The following BHMT2 variants were observed in gnomAD, a reference collection of about 807,000 sequenced individuals.
BHMT2 encodes S-methylmethionine--homocysteine S-methyltransferase BHMT2.
In BHMT2, 28 loss-of-function variants were observed where a neutral mutation model predicts 39.0. The observed-to-expected ratio is 0.72, with a 90% confidence interval of 0.53 to 0.98. BHMT2 has a LOEUF of 0.98. Among genes scored for constraint, BHMT2 ranks in the 50% least tolerant of loss-of-function variants. The probability of loss-of-function intolerance (pLI) is 0.00; values close to 1 mark genes in which losing one functional copy is unlikely to be tolerated. For synonymous variants in BHMT2, 145 were observed against 160.6 expected, an observed-to-expected ratio of 0.90 and a Z score of 0.74; for missense variants, 410 against 455.6, an observed-to-expected ratio of 0.90 and a Z score of 0.91.
chr5:79,076,172 G>A (rs1460969896), intron 1 of BHMT2, among the ~76,000 whole-genome samples: 4 of 152,078 alleles, frequency 2.6e-5, no homozygotes, highest in African/African-American at 9.7e-5. Context: ...GTGGGAAGGC[G>A]GTCTTCCCCT....
chr5:79,077,435 A>T (rs745401649), intron 1 of BHMT2, 45 bp from the exon 2 acceptor site: 2 of 1,563,634 alleles, frequency 1.3e-6, no homozygotes, highest in South Asian at 2.4e-5. Flanking sequence ...TAGGAAAAAA[A>T]AAAAAAGTAG....
chr5:79,079,575 A>G (rs1755744174), intron 3 of BHMT2, 115 bp downstream of exon 3: 1 of 738,256 alleles, frequency 1.4e-6, no homozygotes, highest in African/African-American at 1.8e-5. Flanking sequence ...AGTCCATATA[A>G]ATATGTATTA....
intron 1 of BHMT2, among the ~76,000 whole-genome samples, chr5:79,072,161 C>T (rs952460681): frequency 2.6e-5 from 4 of 151,638 alleles, no homozygotes; most frequent in African/African-American, 4.8e-5. Context: ...CAGCTACTTG[C>T]GAGGCTGAGG....
chr5:79,085,433 C>A (rs898096528), intron 7 of BHMT2, among the ~76,000 whole-genome samples: 2 of 152,172 alleles, frequency 1.3e-5, no homozygotes, highest in African/African-American at 4.8e-5. Context: ...GTAATCCCAG[C>A]ACTTTGGGAG....
At chr5:79,072,885 TG>T (rs770823419) in intron 1 of BHMT2, among the ~76,000 whole-genome samples, 2 of 151,978 alleles carry the variant, frequency 1.3e-5, no homozygotes, top group East Asian at 1.9e-4. Flanking sequence ...AGGTTGGATG[TG>T]GGAGGTGAGA....
chr5:79,069,885 G>A, intron 1 of BHMT2, 70 bp downstream of exon 1: 1 of 1,307,812 alleles, frequency 7.6e-7, no homozygotes, highest in Non-Finnish European at 9.8e-7. Context: ...GTTCACACCC[G>A]GCGTCCATCC....
chr5:79,070,988 TAATC>T (rs1156931346), intron 1 of BHMT2: 1 of 152,198 alleles, frequency 6.6e-6, no homozygotes, highest in Non-Finnish European at 1.5e-5. Context: ...TTAATAAAAA[TAATC>T]AAAGAACATT....
intron 1 of BHMT2, among the ~76,000 whole-genome samples, chr5:79,072,532 T>G (rs1381316433): frequency 6.6e-6 from 1 of 152,254 alleles, no homozygotes; most frequent in Non-Finnish European, 1.5e-5. Flanking sequence ...CATAGTTTCT[T>G]AAGTGTCTAC....
chr5:79,077,763 C>T lies in BHMT2; in HGVS notation c.166+151C>T, dbSNP rs144387739. The T allele has an allele frequency of 4.3e-3, 3,911 of 912,726 alleles. 10 individuals carry two copies. Among genetic ancestry groups the T allele is most frequent in the Non-Finnish European group, 5.5e-3 (3,419 of 622,374 alleles). 56.5% of individuals were successfully genotyped at this position (912,726 alleles called of 1,614,324 possible). ...TGTGGAGATAATGGCAGTATACAGG[C>T]GGAAGTATATGGAAGAAAATGACCT... On this transcript the variant is annotated intron_variant, in intron 2 of 7. Coordinates refer to ENST00000255192, the MANE Select transcript of BHMT2 (RefSeq NM_017614.5).
At chr5:79,079,015 G>C (rs1755730885) in intron 2 of BHMT2, among the ~76,000 whole-genome samples, 1 of 152,182 alleles carries the variant, frequency 6.6e-6, no homozygotes, top group African/African-American at 2.4e-5. Flanking sequence ...TTTAAGGGCT[G>C]CCAATGCTGA....
chr5:79,071,269 T>C (rs673752), intron 1 of BHMT2: 110,220 of 152,088 alleles, frequency 0.72, 40,642 homozygotes, highest in East Asian at 0.79. Context: ...AATTAGGTCT[T>C]AAATCCAAAA....
Position 79,088,060 on chromosome 5 carries a change from G to A in BHMT2, c.1011-433G>A, listed in dbSNP as rs183722800. On this transcript the variant is annotated intron_variant, in intron 7 of 7. Coordinates refer to ENST00000255192, the MANE Select transcript of BHMT2 (RefSeq NM_017614.5). Reference sequence around the variant, plus strand: ...CCTGGTGTGGTGGTGCACGCCAGTAGTCCCAGCTACCTGGGGGGCTGAGGC... The same window carrying A: ...CCTGGTGTGGTGGTGCACGCCAGTAATCCCAGCTACCTGGGGGGCTGAGGC... 6.5e-3 allele frequency among the ~76,000 whole-genome samples: 987 copies of A among 152,268 alleles called. 12 individuals carry two copies. Among genetic ancestry groups the A allele is most frequent in the African/African-American group, 0.023 (950 of 41,544 alleles).
chr5:79,080,756 G>T lies in BHMT2; in HGVS notation c.328G>T (p.Ala110Ser), dbSNP rs1202433328. ...GGCTGGCAAAGGTGATGCTTTGGTA[G>T]CAGGGGGGATCTGCCAGACATCAAT... The part of the protein sequence containing the change: ...EVAGKGDALV[A>S]GGICQTSIYK... The change falls in exon 4 of 8, where the codon GCA becomes TCA. Residue 110 changes from alanine to serine, a missense_variant. By Grantham distance (99) the Ala-to-Ser change is moderately conservative. Transcript: ENST00000255192. 1.2e-6 allele frequency: 2 copies of T among 1,604,612 alleles called. No individual in the cohort carries two copies. Among genetic ancestry groups the T allele is most frequent in the South Asian group, 1.1e-5 (1 of 88,818 alleles).
intron 5 of BHMT2, 46 bp downstream of exon 5, chr5:79,083,002 GA>G: frequency 1.2e-6 from 2 of 1,609,008 alleles, no homozygotes; most frequent in Non-Finnish European, 1.7e-6. Context: ...TGTTGCTTAC[GA>G]AATTTAACAA....
At position 79,089,922 on chromosome 5, in the gene BHMT2, C is replaced by T. The variant is rs1246844699; in HGVS notation, c.*1348C>T. ...GGCAGAGGTTGCAGTGAGCTGAGAT[C>T]GCCCCACTGCAATCCAGCCTGGGAG... On this transcript the variant is annotated 3_prime_UTR_variant, in exon 8 of 8. Coordinates refer to ENST00000255192, the MANE Select transcript of BHMT2 (RefSeq NM_017614.5). 1.3e-5 allele frequency among the ~76,000 whole-genome samples: 2 copies of T among 152,198 alleles called. No individual in the cohort carries two copies. The highest frequency in any genetic ancestry group is 1.3e-4 in the Admixed American group (2 of 15,286).
At chr5:79,088,358 C>CTG (rs202040828) in intron 7 of BHMT2, 135 bp from the exon 8 acceptor site, 38,493 of 302,504 alleles carry the variant, frequency 0.13, 1,613 homozygotes, top group African/African-American at 0.22. Context: ...CAAGTTTTGA[C>CTG]TGTGTGTGTG....
intron 3 of BHMT2, among the ~76,000 whole-genome samples, chr5:79,080,084 C>T (rs1469403042): frequency 1.3e-5 from 2 of 152,142 alleles, no homozygotes; most frequent in Non-Finnish European, 2.9e-5. Context: ...CTTCTGGAGA[C>T]AGGGAGGCCC....
At chr5:79,075,641 G>A (rs1216897339) in intron 1 of BHMT2, among the ~76,000 whole-genome samples, 2 of 152,206 alleles carry the variant, frequency 1.3e-5, no homozygotes, top group Non-Finnish European at 2.9e-5. Flanking sequence ...TTGCTGTGGG[G>A]AGTTGGGAGG....
At chr5:79,088,457 T>C (rs1755948820) in intron 7 of BHMT2, 36 bp from the exon 8 acceptor site, 1 of 1,564,366 alleles carries the variant, frequency 6.4e-7, no homozygotes, top group South Asian at 1.1e-5. Context: ...TAGGTAAGAC[T>C]TTTAATTAAT....
Sources: allele counts gnomAD v4.1 joint callset (sites outside exome capture counted in the v4.1 genomes callset), GRCh38; gene constraint gnomAD v4.1.1; transcripts MANE v1.5; gene names NCBI Gene and HGNC (gene_info 2026-07-23, HGNC 2026-07-21).